Variants in PGCKA1 observed in about 807,000 individuals in gnomAD.
PGCKA1 encodes PDCD10 and GCKIII kinases-associated protein 1.
At chr4:37,567,927 G>T in the PGCKA1 span, among the ~76,000 whole-genome samples, 70 of 152,312 alleles carry the variant, frequency 4.6e-4, no homozygotes, top group Middle Eastern at 3.4e-3. Context: ...CTATGAAAAT[G>T]TCTGTGATAT....
chr4:37,590,892 C>CGATGGA, the PGCKA1 span: 3 of 1,614,160 alleles, frequency 1.9e-6, no homozygotes, highest in Non-Finnish European at 2.5e-6. Context: ...CCCATGGCTC[C>CGATGGA]GATGGAGATG....
the PGCKA1 span, among the ~76,000 whole-genome samples, chr4:37,510,620 C>G: frequency 2.7e-5 from 4 of 149,138 alleles, no homozygotes; most frequent in African/African-American, 7.4e-5. Context: ...CACAGTGCCC[C>G]CTGTGACCAC....
At chr4:37,570,024 G>A in the PGCKA1 span, among the ~76,000 whole-genome samples, 3 of 129,318 alleles carry the variant, frequency 2.3e-5, no homozygotes, top group African/African-American at 5.8e-5. Context: ...CTGTCGCCCC[G>A]GCTGGAGTAC....
the PGCKA1 span, among the ~76,000 whole-genome samples, chr4:37,504,787 C>T: frequency 6.6e-6 from 1 of 152,132 alleles, no homozygotes; most frequent in African/African-American, 2.4e-5. Context: ...TGTAACTTTA[C>T]TGAATTTGTT....
At chr4:37,526,148 C>T in the PGCKA1 span, among the ~76,000 whole-genome samples, 10 of 152,326 alleles carry the variant, frequency 6.6e-5, no homozygotes, top group Middle Eastern at 3.4e-3. Flanking sequence ...GAATTACTAT[C>T]GCACTAGAAT....
At chr4:37,569,395 C>T in the PGCKA1 span, among the ~76,000 whole-genome samples, 1 of 151,758 alleles carries the variant, frequency 6.6e-6, no homozygotes, top group African/African-American at 2.4e-5. Flanking sequence ...GATGGGGTTT[C>T]ACCATGTTAG....
At chr4:37,590,725 G>T in the PGCKA1 span, 4 of 1,614,144 alleles carry the variant, frequency 2.5e-6, no homozygotes, top group South Asian at 4.4e-5. Context: ...TCAGCCCCCA[G>T]TGGGGGAGCA....
the PGCKA1 span, among the ~76,000 whole-genome samples, chr4:37,583,505 C>T: frequency 2.6e-5 from 4 of 151,470 alleles, no homozygotes; most frequent in South Asian, 2.1e-4. Flanking sequence ...GGTGCGATCT[C>T]GGCTCACTGC....
At chr4:37,572,063 C>CTTT in the PGCKA1 span, among the ~76,000 whole-genome samples, 18 of 89,972 alleles carry the variant, frequency 2.0e-4, no homozygotes, top group Admixed American at 2.6e-4. Context: ...TTTTTTTTTT[C>CTTT]TTTTTTTTTT....
At chr4:37,526,793 C>G in the PGCKA1 span, among the ~76,000 whole-genome samples, 1 of 152,106 alleles carries the variant, frequency 6.6e-6, no homozygotes, top group Non-Finnish European at 1.5e-5. Context: ...TCATAAATGT[C>G]TGTGTTACAA....
chr4:37,562,905 T>G, the PGCKA1 span, among the ~76,000 whole-genome samples: 1 of 152,184 alleles, frequency 6.6e-6, no homozygotes, highest in East Asian at 1.9e-4. Flanking sequence ...CTTCTACCTC[T>G]TAGTGTCTTA....
At chr4:37,509,657 C>G in the PGCKA1 span, among the ~76,000 whole-genome samples, 3 of 151,068 alleles carry the variant, frequency 2.0e-5, no homozygotes, top group African/African-American at 7.3e-5. Context: ...CGCCACCGCA[C>G]TCCAGCCTGG....
the PGCKA1 span, among the ~76,000 whole-genome samples, chr4:37,571,759 G>A: frequency 1.3e-4 from 19 of 151,824 alleles, no homozygotes; most frequent in Admixed American, 2.6e-4. Flanking sequence ...GGATGGTCTC[G>A]ATCTCCTGAC....
At chr4:37,573,432 C>T in the PGCKA1 span, among the ~76,000 whole-genome samples, 1 of 152,196 alleles carries the variant, frequency 6.6e-6, no homozygotes, top group Non-Finnish European at 1.5e-5. Context: ...TGTCCCATCC[C>T]CTGACTCTCA....
chr4:37,507,521 C>G, the PGCKA1 span, among the ~76,000 whole-genome samples: 3 of 152,200 alleles, frequency 2.0e-5, no homozygotes, highest in South Asian at 6.2e-4. Flanking sequence ...GATAACAACA[C>G]TAGCATAAAC....
At chr4:37,521,770 G>A in the PGCKA1 span, among the ~76,000 whole-genome samples, 1 of 152,318 alleles carries the variant, frequency 6.6e-6, no homozygotes, top group African/African-American at 2.4e-5. Context: ...TCTGTCCAAT[G>A]CTGAAAGCGG....
chr4:37,584,244 G>A, the PGCKA1 span: 1 of 152,236 alleles, frequency 6.6e-6, no homozygotes, highest in Non-Finnish European at 1.5e-5. Flanking sequence ...CACAACCTTG[G>A]ACATTAGAGC....
the PGCKA1 span, among the ~76,000 whole-genome samples, chr4:37,513,395 G>A: frequency 3.3e-5 from 5 of 152,156 alleles, no homozygotes; most frequent in African/African-American, 1.2e-4. Flanking sequence ...CAAGACTCAG[G>A]TTCTGACATT....
the PGCKA1 span, among the ~76,000 whole-genome samples, chr4:37,463,657 G>T: frequency 2.0e-5 from 3 of 152,134 alleles, no homozygotes; most frequent in African/African-American, 7.2e-5. Flanking sequence ...AAATTGTGGC[G>T]CTGGGGAGGT....
Sources: allele counts gnomAD v4.1 joint callset (sites outside exome capture counted in the v4.1 genomes callset), GRCh38; gene constraint gnomAD v4.1.1; transcripts MANE v1.5; gene names NCBI Gene and HGNC (gene_info 2026-07-23, HGNC 2026-07-21).